Variants in CNGA1 observed in about 807,000 individuals in gnomAD.
CNGA1 encodes the protein cyclic nucleotide-gated channel alpha-1.
A neutral mutation model predicts 69.7 loss-of-function variants in CNGA1; 53 were observed. The observed-to-expected ratio is 0.76, with a 90% CI of 0.61 to 0.96. The LOEUF is 0.96. Ranked by LOEUF, CNGA1 falls within the 40% of genes least tolerant of loss-of-function variation. The pLI, the probability that CNGA1 is intolerant of heterozygous loss-of-function variation, is 0.00. For missense variants in CNGA1, 739 were observed against 811.2 expected, an observed-to-expected ratio of 0.91 and a Z score of 1.08; for synonymous variants, 249 against 283.5, an observed-to-expected ratio of 0.88 and a Z score of 1.22.
At position 47,966,749 on chromosome 4, in the gene CNGA1, C is replaced by A. The variant is rs181191723; in HGVS notation, c.-14-14046G>T. Among the ~76,000 whole-genome samples the A allele has an allele frequency of 2.7e-3, 409 of 152,204 alleles. 2 individuals are homozygous for A. The highest frequency in any genetic ancestry group is 0.014 in the Middle Eastern group (4 of 294). On this transcript the variant is annotated intron_variant, in intron 3 of 10. Coordinates refer to ENST00000514170, the MANE Select transcript of CNGA1 (RefSeq NM_001379270.1). ...GATCAGTTCTTGCAAACAAAACTTACAAGCAACTATTATAAGTATATTTGT... is the reference window on the plus strand; with the variant it reads ...GATCAGTTCTTGCAAACAAAACTTAAAAGCAACTATTATAAGTATATTTGT...
At chr4:47,979,789 T>A (rs1380385455) in intron 3 of CNGA1, among the ~76,000 whole-genome samples, 1 of 152,202 alleles carries the variant, frequency 6.6e-6, no homozygotes, top group East Asian at 1.9e-4. Context: ...ACCCAAACTT[T>A]TTAGTTTTCA....
At chr4:47,990,003 A>T (rs552821727) in intron 2 of CNGA1, among the ~76,000 whole-genome samples, 1 of 149,330 alleles carries the variant, frequency 6.7e-6, no homozygotes, top group Admixed American at 6.6e-5. Flanking sequence ...CATCATCTTC[A>T]TAAGCTGAGG....
At chr4:48,012,712 G>A (rs1277904383) in intron 1 of CNGA1, among the ~76,000 whole-genome samples, 3 of 149,772 alleles carry the variant, frequency 2.0e-5, no homozygotes, top group Admixed American at 6.7e-5. Flanking sequence ...CAAACCCAAT[G>A]GGAAAAAGAC....
chr4:47,939,959 T>C (rs1175847600), intron 10 of CNGA1, among the ~76,000 whole-genome samples: 1 of 152,206 alleles, frequency 6.6e-6, no homozygotes, highest in Non-Finnish European at 1.5e-5. Context: ...CCCTTCGATG[T>C]GAAGCATAAG....
At chr4:47,971,198 G>GT in intron 3 of CNGA1, 21 of 373,270 alleles carry the variant, frequency 5.6e-5, no homozygotes, top group South Asian at 8.3e-5. Context: ...GTGTGTGTGT[G>GT]CTGTGCGTAA....
Position 48,015,272 on chromosome 4 carries a change from C to G in CNGA1, c.-223+1211G>C, listed in dbSNP as rs554703665. On this transcript the variant is annotated intron_variant, in intron 1 of 10. Coordinates refer to ENST00000514170, the MANE Select transcript of CNGA1 (RefSeq NM_001379270.1). ...ATGGAAAATTGGCATAAATCTCCCTCGCTTTCAACTTTCACCTATTCCACT... is the reference window on the plus strand; with the variant it reads ...ATGGAAAATTGGCATAAATCTCCCTGGCTTTCAACTTTCACCTATTCCACT... Among the ~76,000 whole-genome samples the G allele has an allele frequency of 5.3e-5, 8 of 152,316 alleles. No homozygotes were observed. The South Asian group carries it at 1.7e-3, about 32-fold the overall frequency.
chr4:47,966,139 T>C, intron 3 of CNGA1, among the ~76,000 whole-genome samples: 1 of 152,288 alleles, frequency 6.6e-6, no homozygotes, highest in South Asian at 2.1e-4. Flanking sequence ...ATCTTATGGG[T>C]AATTCAGGCA....
chr4:47,980,781 G>A (rs974717411), intron 3 of CNGA1, among the ~76,000 whole-genome samples: 1 of 151,600 alleles, frequency 6.6e-6, no homozygotes, highest in African/African-American at 2.4e-5. Context: ...GCCAATAACT[G>A]TTTTTTCTGA....
chr4:47,949,875 G>A lies in CNGA1; in HGVS notation c.245C>T (p.Ala82Val). ...GTTGTTCACATTAAAAAGTGCAATG[G>A]CACCAGGCAGGTACTGCTCCCTGGG... The part of the protein sequence containing the change: ...PSQREQYLPG[A>V]IALFNVNNSS... The change falls in exon 6 of 11, where the codon GCC (alanine) becomes GTC (valine). Residue 82 changes from alanine to valine, a missense_variant. Transcript: ENST00000514170. The A allele has an allele frequency of 6.2e-7, 1 of 1,614,026 alleles. No individual in the cohort carries two copies. The highest frequency in any genetic ancestry group is 1.7e-5 in the Admixed American group (1 of 60,016).
intron 2 of CNGA1, among the ~76,000 whole-genome samples, chr4:47,981,826 A>C (rs1257537723): frequency 6.6e-6 from 1 of 152,164 alleles, no homozygotes; most frequent in Non-Finnish European, 1.5e-5. Context: ...TATACCTCCA[A>C]CTTCACCCAG....
chr4:48,015,051 G>A (rs181815910), intron 1 of CNGA1, among the ~76,000 whole-genome samples: 27 of 152,098 alleles, frequency 1.8e-4, no homozygotes, highest in African/African-American at 6.0e-4. Flanking sequence ...GGTGGGGGGC[G>A]CCTGTAGTCC....
chr4:47,965,840 T>G (rs1299346891), intron 3 of CNGA1, among the ~76,000 whole-genome samples: 1 of 152,228 alleles, frequency 6.6e-6, no homozygotes, highest in Admixed American at 6.5e-5. Context: ...AAAAAAATTT[T>G]AATAGTAATT....
At chr4:47,949,506 C>G (rs1281047084) in intron 6 of CNGA1, among the ~76,000 whole-genome samples, 1 of 152,180 alleles carries the variant, frequency 6.6e-6, no homozygotes, top group Non-Finnish European at 1.5e-5. Context: ...ATCTCAGAAA[C>G]TGTCTCCTGA....
chr4:48,012,206 G>T (rs1202266952), intron 1 of CNGA1, among the ~76,000 whole-genome samples: 1 of 152,130 alleles, frequency 6.6e-6, no homozygotes, highest in South Asian at 2.1e-4. Flanking sequence ...ATGATTTGTA[G>T]GGCATGACTC....
At chr4:47,985,668 T>C (rs938585652) in intron 2 of CNGA1, among the ~76,000 whole-genome samples, 11 of 152,172 alleles carry the variant, frequency 7.2e-5, no homozygotes, top group Non-Finnish European at 4.4e-5. Flanking sequence ...TCTCTCTCCA[T>C]ATTCCAAATA....
chr4:47,976,567 G>A (rs371609634), intron 3 of CNGA1, among the ~76,000 whole-genome samples: 8 of 151,676 alleles, frequency 5.3e-5, no homozygotes, highest in Admixed American at 3.3e-4. Flanking sequence ...GTAATTCCAC[G>A]GAGATTTTGT....
chr4:47,982,835 C>T (rs997033311), intron 2 of CNGA1, among the ~76,000 whole-genome samples: 1 of 152,004 alleles, frequency 6.6e-6, no homozygotes, highest in Non-Finnish European at 1.5e-5. Context: ...GATGGAGTCT[C>T]GCTCTTTCGC....
At chr4:47,980,409 G>C (rs1344943955) in intron 3 of CNGA1, among the ~76,000 whole-genome samples, 1 of 151,160 alleles carries the variant, frequency 6.6e-6, no homozygotes, top group South Asian at 2.1e-4. Flanking sequence ...AATGCAGTAC[G>C]CATTTTTTAA....
intron 6 of CNGA1, 24 bp from the exon 7 acceptor site, chr4:47,943,436 G>A (rs1215926733): frequency 1.5e-6 from 2 of 1,323,854 alleles, no homozygotes; most frequent in East Asian, 5.1e-5. Context: ...TAATATATCT[G>A]TCACATAATC....
Sources: allele counts gnomAD v4.1 joint callset (sites outside exome capture counted in the v4.1 genomes callset), GRCh38; gene constraint gnomAD v4.1.1; transcripts MANE v1.5; gene names NCBI Gene and HGNC (gene_info 2026-07-23, HGNC 2026-07-21).